Variants in KSR1 observed in about 807,000 individuals in gnomAD.
KSR1 encodes kinase suppressor of ras.
A neutral mutation model predicts 92.9 loss-of-function variants in KSR1; 35 were observed. The observed-to-expected ratio is 0.38, with a 90% CI of 0.29 to 0.50. The LOEUF is 0.50. Among genes scored for constraint, KSR1 ranks in the 20% least tolerant of loss-of-function variants. KSR1 has a pLI of 0.94. For synonymous variants in KSR1, 467 were observed against 472.6 expected, an observed-to-expected ratio of 0.99 and a Z score of 0.15; for missense variants, 972 against 1,158.5, an observed-to-expected ratio of 0.84 and a Z score of 2.34.
At chr17:27,591,827 G>A (rs1049172397) in intron 7 of KSR1, among the ~76,000 whole-genome samples, 6 of 152,172 alleles carry the variant, frequency 3.9e-5, no homozygotes, top group Non-Finnish European at 8.8e-5. Flanking sequence ...CAGCCCATTA[G>A]TGAGAAATCT....
intron 5 of KSR1, among the ~76,000 whole-genome samples, chr17:27,586,926 G>A (rs549967032): frequency 1.8e-3 from 274 of 152,306 alleles, no homozygotes; most frequent in African/African-American, 6.5e-3. Flanking sequence ...AGGCTGAAGT[G>A]CAGTAGTGCA....
Position 27,624,927 on chromosome 17 carries a change from G to C in KSR1, c.*1535G>C, listed in dbSNP as rs140905260. ...AGCTGTGGAGCTGCCTCCTCTCCAGGCCTGGCATCCCTTGGTCAGCCCCTC... is the reference window on the plus strand; with the variant it reads ...AGCTGTGGAGCTGCCTCCTCTCCAGCCCTGGCATCCCTTGGTCAGCCCCTC... On this transcript the variant is annotated 3_prime_UTR_variant, in exon 21 of 21. Transcript: ENST00000644974. 7 of 152,442 alleles carry C rather than the reference G, an allele frequency of 4.6e-5. No homozygotes were observed. In the East Asian group the frequency reaches 1.2e-3, roughly 25 times the overall value. The allele number at this position is 152,442 out of a possible 1,614,324, so 9.4% of individuals were successfully genotyped here. A position where few individuals can be genotyped will look rare whatever the true frequency, so the allele number is the denominator to read the frequency against.
At chr17:27,493,697 C>T (rs1346991300) in intron 1 of KSR1, among the ~76,000 whole-genome samples, 1 of 152,102 alleles carries the variant, frequency 6.6e-6, no homozygotes, top group Non-Finnish European at 1.5e-5. Context: ...GAAGCAGCAT[C>T]ATGAAAAAGC....
intron 1 of KSR1, among the ~76,000 whole-genome samples, chr17:27,532,549 A>C (rs1655461323): frequency 6.6e-6 from 1 of 152,228 alleles, no homozygotes; most frequent in Non-Finnish European, 1.5e-5. Flanking sequence ...CTGTTACATC[A>C]GAAAGCTAAA....
At chr17:27,568,032 G>A (rs770543936) in intron 2 of KSR1, among the ~76,000 whole-genome samples, 6 of 152,246 alleles carry the variant, frequency 3.9e-5, no homozygotes, top group Non-Finnish European at 8.8e-5. Flanking sequence ...GCTTCTCCTC[G>A]GCCATCTGCT....
In KSR1 at chr17:27,526,096, C is replaced by CTTTCTTTCTT. The variant is rs745956787; in HGVS notation, c.232-24471_232-24470insTTCTTTCTTT. On this transcript the variant is annotated intron_variant, in intron 1 of 20. Coordinates refer to ENST00000644974, the MANE Select transcript of KSR1 (RefSeq NM_001394583.1). ...TCTTTCTTTCTTTCTTTCTTTCTTT[C>CTTTCTTTCTT]TCTCTCTCTCTCTCTCTCTCTCATG... 5.0e-3 allele frequency among the ~76,000 whole-genome samples: 566 copies of CTTTCTTTCTT among 112,678 alleles called. 16 individuals are homozygous for CTTTCTTTCTT. The highest frequency in any genetic ancestry group is 0.022 in the African/African-American group (539 of 24,202). 73.9% of individuals were successfully genotyped at this position (112,678 alleles called of 152,430 possible). A position where few individuals can be genotyped will look rare whatever the true frequency, so the allele number is the denominator to read the frequency against.
chr17:27,584,387 T>C (rs143559920), intron 4 of KSR1, among the ~76,000 whole-genome samples: 1 of 152,296 alleles, frequency 6.6e-6, no homozygotes, highest in East Asian at 1.9e-4. Flanking sequence ...TTGAGTATGC[T>C]GCCCAAGGAG....
At chr17:27,563,618 C>T (rs2071925768) in intron 2 of KSR1, among the ~76,000 whole-genome samples, 1 of 152,206 alleles carries the variant, frequency 6.6e-6, no homozygotes, top group Non-Finnish European at 1.5e-5. Context: ...AATCCAAACC[C>T]TTCACCTACC....
chr17:27,538,158 G>A (rs1266946159), intron 1 of KSR1, among the ~76,000 whole-genome samples: 2 of 152,228 alleles, frequency 1.3e-5, no homozygotes, highest in Non-Finnish European at 1.5e-5. Flanking sequence ...AGAAACATTA[G>A]CGGTAGAAGG....
chr17:27,473,402 A>T (rs1399058360), intron 1 of KSR1, among the ~76,000 whole-genome samples: 4 of 152,184 alleles, frequency 2.6e-5, no homozygotes, highest in Non-Finnish European at 4.4e-5. Context: ...TGGAGACAGG[A>T]TGAAGTAACA....
At chr17:27,571,642 A>G (rs1404841349) in intron 2 of KSR1, among the ~76,000 whole-genome samples, 1 of 152,250 alleles carries the variant, frequency 6.6e-6, no homozygotes, top group Admixed American at 6.5e-5. Context: ...CCAGTGATCC[A>G]GGTTCCACAG....
Position 27,508,709 on chromosome 17 carries a change from T to TATTTATTTA in KSR1, c.232-41859_232-41858insATTTATTTA, listed in dbSNP as rs1555572322. Among the ~76,000 whole-genome samples the TATTTATTTA allele has an allele frequency of 1.1e-4, 15 of 138,330 alleles. No homozygotes were observed. In the South Asian group the frequency reaches 2.9e-3, roughly 27 times the overall value. 90.7% of individuals were successfully genotyped at this position (138,330 alleles called of 152,430 possible). A position where few individuals can be genotyped will look rare whatever the true frequency, so the allele number is the denominator to read the frequency against. On this transcript the variant is annotated intron_variant, in intron 1 of 20. Transcript: ENST00000644974. ...TTTCCTAGGTTTGGGCCTGAATTTT[T>TATTTATTTA]TTTATTTATTTATTTATTTATTTAT...
intron 1 of KSR1, among the ~76,000 whole-genome samples, chr17:27,463,250 C>G (rs1335949163): frequency 6.6e-6 from 1 of 152,144 alleles, no homozygotes; most frequent in Non-Finnish European, 1.5e-5. Context: ...TGGCTCATGC[C>G]TGTAATCCCA....
chr17:27,484,010 G>A (rs557966502), intron 1 of KSR1, among the ~76,000 whole-genome samples: 1 of 152,216 alleles, frequency 6.6e-6, no homozygotes, highest in Non-Finnish European at 1.5e-5. Flanking sequence ...TGTTGCAGTG[G>A]TGGAGGGTGG....
chr17:27,488,891 G>C (rs949591138), intron 1 of KSR1, among the ~76,000 whole-genome samples: 4 of 152,234 alleles, frequency 2.6e-5, no homozygotes, highest in African/African-American at 9.6e-5. Context: ...TTGAACCCGG[G>C]AGGCGGAGGT....
chr17:27,613,949 G>A (rs2073989746), intron 18 of KSR1, among the ~76,000 whole-genome samples: 1 of 152,156 alleles, frequency 6.6e-6, no homozygotes, highest in African/African-American at 2.4e-5. Context: ...TTACAAGCAT[G>A]CACCAAAATA....
At chr17:27,548,238 A>G (rs924886729) in intron 1 of KSR1, among the ~76,000 whole-genome samples, 1 of 151,772 alleles carries the variant, frequency 6.6e-6, no homozygotes, top group African/African-American at 2.4e-5. Context: ...TCAAAAAAAA[A>G]AAAAAAAGAT....
rs779037059 is a variant in KSR1, at chr17:27,597,348, G to T, written c.1380G>T (p.Ala460=). The T allele has an allele frequency of 1.2e-6, 2 of 1,613,282 alleles. No individual in the cohort carries two copies. Among genetic ancestry groups the T allele is most frequent in the Admixed American group, 3.3e-5 (2 of 59,920 alleles). The change falls in exon 10 of 21, where the codon GCG becomes GCT. Residue 460 remains alanine, a synonymous_variant. Coordinates refer to ENST00000644974, the MANE Select transcript of KSR1 (RefSeq NM_001394583.1). Reference sequence around the variant, plus strand: ...CCTCCTCCACACCCTCCTCACCGGCGCCCTTCCCGACATCATCCAACCCAT... The same window carrying T: ...CCTCCTCCACACCCTCCTCACCGGCTCCCTTCCCGACATCATCCAACCCAT... The part of the protein sequence containing the change: ...STTSSTPSSP[A]PFPTSSNPSS...
chr17:27,550,306 C>T (rs560665767), intron 1 of KSR1, among the ~76,000 whole-genome samples: 1 of 152,232 alleles, frequency 6.6e-6, no homozygotes, highest in Non-Finnish European at 1.5e-5. Flanking sequence ...ACCAGTGTTG[C>T]CCATGACGCT....
Sources: allele counts gnomAD v4.1 joint callset (sites outside exome capture counted in the v4.1 genomes callset), GRCh38; gene constraint gnomAD v4.1.1; transcripts MANE v1.5; gene names NCBI Gene and HGNC (gene_info 2026-07-23, HGNC 2026-07-21).